The following TLCD4 variants were observed in gnomAD, a reference collection of about 807,000 sequenced individuals.
TLCD4 encodes the protein TLC domain-containing protein 4.
TLCD4 carries 7 observed loss-of-function variants against 24.2 expected under a neutral mutation model. The observed-to-expected ratio is 0.29, with a 90% CI of 0.16 to 0.54. TLCD4 has a LOEUF of 0.54. Ranked by LOEUF, TLCD4 falls within the 20% of genes least tolerant of loss-of-function variation. The pLI, the probability that TLCD4 is intolerant of heterozygous loss-of-function variation, is 0.95. For missense variants in TLCD4, 259 were observed against 313.9 expected (o/e 0.82, Z 1.32); for synonymous variants, 103 against 106.4 (o/e 0.97, Z 0.20).
chr1:95,173,314 CTT>C (rs202107448), intron 5 of TLCD4, among the ~76,000 whole-genome samples: 4 of 143,480 alleles, frequency 2.8e-5, no homozygotes, highest in Admixed American at 6.9e-5. Context: ...TGTGATCATT[CTT>C]TTTTTTTTTT....
chr1:95,125,163 C>G (rs1478726100), intron 1 of TLCD4, among the ~76,000 whole-genome samples: 6 of 152,068 alleles, frequency 3.9e-5, no homozygotes, highest in Admixed American at 2.6e-4. Flanking sequence ...TGGCCTAAAA[C>G]AGTTCTTCAT....
intron 5 of TLCD4, chr1:95,164,118 G>T (rs929865626): frequency 6.6e-6 from 1 of 152,382 alleles, no homozygotes; most frequent in African/African-American, 2.4e-5. Context: ...ACAGAGGCAG[G>T]CAGGCCTCCT....
chr1:95,173,701 C>G, intron 5 of TLCD4, 115 bp from the exon 6 acceptor site: 19 of 1,308,016 alleles, frequency 1.5e-5, no homozygotes, highest in Non-Finnish European at 2.0e-5. Flanking sequence ...ACTTCTTGAT[C>G]TGTTTTGGTA....
chr1:95,151,282 C>T lies in TLCD4; in HGVS notation c.305-43C>T, dbSNP rs1212669350. 5 of 1,599,048 alleles carry T rather than the reference C, an allele frequency of 3.1e-6. No homozygotes were observed. The South Asian group carries it at 4.4e-5, about 14-fold the overall frequency. Reference sequence around the variant, plus strand: ...TCAATACATTTGAAAAACAGTGCAACTTTCTTCTTATGTAATACCTTACTC... The same window carrying T: ...TCAATACATTTGAAAAACAGTGCAATTTTCTTCTTATGTAATACCTTACTC... On this transcript the variant is annotated intron_variant, in intron 4 of 6. Transcript: ENST00000370203.
rs1408327848 is a variant in TLCD4 at position 95,195,710 on chromosome 1, T to C, written c.*3842T>C. The C allele has an allele frequency of 6.6e-6, 1 of 152,212 alleles. No homozygotes were observed. The highest frequency in any genetic ancestry group is 1.5e-5 in the Non-Finnish European group (1 of 68,032). 9.4% of individuals were successfully genotyped at this position (152,212 alleles called of 1,614,324 possible). ...GCTCATTGAAATACATTAAAGCTAC[T>C]GAAAGTGAGTTCTGATGCAAAACAC... On this transcript the variant is annotated 3_prime_UTR_variant, in exon 7 of 7. Coordinates refer to ENST00000370203, the MANE Select transcript of TLCD4 (RefSeq NM_152487.3).
At chr1:95,097,773 C>T in the TLCD4 span, among the ~76,000 whole-genome samples, 3 of 152,122 alleles carry the variant, frequency 2.0e-5, no homozygotes, top group Non-Finnish European at 2.9e-5. Context: ...TTAGACACAC[C>T]GTAGGGACAC....
At chr1:95,143,521 TGAG>T (rs937710660) in intron 1 of TLCD4, among the ~76,000 whole-genome samples, 7 of 152,164 alleles carry the variant, frequency 4.6e-5, no homozygotes, top group Non-Finnish European at 7.3e-5. Context: ...GATGAGAAAT[TGAG>T]GGATAAAGAA....
chr1:95,171,661 T>TTA (rs1678229991), intron 5 of TLCD4, among the ~76,000 whole-genome samples: 1 of 152,150 alleles, frequency 6.6e-6, no homozygotes, highest in Non-Finnish European at 1.5e-5. Context: ...CTATGTTATT[T>TTA]TATATATATT....
At chr1:95,164,031 C>CA (rs2100971510) in intron 5 of TLCD4, 1 of 152,474 alleles carries the variant, frequency 6.6e-6, no homozygotes, top group South Asian at 2.1e-4. Context: ...TCAAAGCTGT[C>CA]AGACAGGGAT....
Position 95,130,102 on chromosome 1 carries a change from A to G in TLCD4, c.-12+12485A>G, listed in dbSNP as rs192544230. Among the ~76,000 whole-genome samples the G allele has an allele frequency of 4.0e-4, 61 of 152,346 alleles. 1 individual carries two copies. The highest frequency in any genetic ancestry group is 1.4e-3 in the African/African-American group (60 of 41,574). On this transcript the variant is annotated intron_variant, in intron 1 of 6. Transcript: ENST00000370203. ...TTCTTTTAGATGCTTAACAATTTTT[A>G]CATGATGGAAAAGTCGAAAATGAGT...
intron 5 of TLCD4, among the ~76,000 whole-genome samples, chr1:95,170,666 C>T (rs1678179314): frequency 6.6e-6 from 1 of 152,108 alleles, no homozygotes; most frequent in Non-Finnish European, 1.5e-5. Context: ...TGTCTGGTGT[C>T]TGGCTCAAGT....
intron 5 of TLCD4, among the ~76,000 whole-genome samples, chr1:95,151,713 TTGTC>T (rs1380791735): frequency 5.9e-5 from 9 of 152,166 alleles, no homozygotes; most frequent in Admixed American, 5.2e-4. Flanking sequence ...CTATAGATAT[TTGTC>T]TGTATTTCTA....
the TLCD4 span, among the ~76,000 whole-genome samples, chr1:95,100,133 C>A: frequency 6.6e-6 from 1 of 151,660 alleles, no homozygotes; most frequent in Non-Finnish European, 1.5e-5. Flanking sequence ...CATATATATA[C>A]ATATAGAATA....
chr1:95,094,894 A>G, the TLCD4 span, among the ~76,000 whole-genome samples: 1 of 152,232 alleles, frequency 6.6e-6, no homozygotes, highest in East Asian at 1.9e-4. Context: ...CTTCACCCAC[A>G]GTATGAGACC....
At chr1:95,181,548 T>G (rs1286116610) in intron 6 of TLCD4, among the ~76,000 whole-genome samples, 4 of 151,458 alleles carry the variant, frequency 2.6e-5, no homozygotes, top group Non-Finnish European at 4.4e-5. Context: ...CATTGGCCTT[T>G]CTTGGGCTTT....
At chr1:95,106,796 ATT>A in the TLCD4 span, among the ~76,000 whole-genome samples, 1 of 152,238 alleles carries the variant, frequency 6.6e-6, no homozygotes, top group African/African-American at 2.4e-5. Context: ...GCAATGGGTA[ATT>A]TTCAAAACCG....
chr1:95,105,104 C>G, the TLCD4 span, among the ~76,000 whole-genome samples: 11 of 152,212 alleles, frequency 7.2e-5, no homozygotes, highest in South Asian at 2.3e-3. Context: ...ATAAAATAGG[C>G]TTTGTGTTAG....
intron 2 of TLCD4, among the ~76,000 whole-genome samples, chr1:95,144,543 C>A (rs1279894412): frequency 6.6e-6 from 1 of 151,476 alleles, no homozygotes; most frequent in Non-Finnish European, 1.5e-5. Flanking sequence ...ATTTAGAGCC[C>A]TCCAGCATTT....
intron 6 of TLCD4, among the ~76,000 whole-genome samples, chr1:95,177,116 A>C (rs542978283): frequency 6.0e-4 from 92 of 152,188 alleles, no homozygotes; most frequent in Non-Finnish European, 1.1e-3. Context: ...TCTCTCTCTG[A>C]CTTCTGAAGT....
Sources: allele counts gnomAD v4.1 joint callset (sites outside exome capture counted in the v4.1 genomes callset), GRCh38; gene constraint gnomAD v4.1.1; transcripts MANE v1.5; gene names NCBI Gene and HGNC (gene_info 2026-07-23, HGNC 2026-07-21).